Variants in CEP63 observed in about 807,000 individuals in gnomAD.
CEP63 encodes centrosomal protein 63.
Under a neutral mutation model 89.1 loss-of-function variants are expected in CEP63, and 84 were observed. The ratio of observed to expected loss-of-function variants is 0.94; its 90% confidence interval spans 0.79 to 1.13. The LOEUF is 1.13. Among genes scored for constraint, CEP63 ranks in the 50% most tolerant of loss-of-function variants. The pLI, the probability that CEP63 is intolerant of heterozygous loss-of-function variation, is 0.00. For missense variants in CEP63, 838 were observed against 813.3 expected (o/e 1.03, Z -0.37); for synonymous variants, 267 against 272.5 (o/e 0.98, Z 0.20).
chr3:134,513,670 A>T, intron 3 of CEP63, among the ~76,000 whole-genome samples: 1 of 152,110 alleles, frequency 6.6e-6, no homozygotes, highest in Non-Finnish European at 1.5e-5. Flanking sequence ...CTAGGGGTCC[A>T]TGATGGCTCT....
At chr3:134,668,085 C>T in the CEP63 span, among the ~76,000 whole-genome samples, 13 of 152,150 alleles carry the variant, frequency 8.5e-5, no homozygotes, top group South Asian at 2.1e-4. Context: ...CCTCATGCTC[C>T]GACCAGCATT....
chr3:134,648,146 G>T, the CEP63 span, among the ~76,000 whole-genome samples: 1 of 152,326 alleles, frequency 6.6e-6, no homozygotes, highest in Non-Finnish European at 1.5e-5. Flanking sequence ...TTCTGGCAGC[G>T]GGAGCTGCTG....
chr3:134,628,425 G>T, the CEP63 span, among the ~76,000 whole-genome samples: 1 of 152,194 alleles, frequency 6.6e-6, no homozygotes, highest in South Asian at 2.1e-4. Context: ...GGAAGATTTG[G>T]GTCCCTGATG....
the CEP63 span, among the ~76,000 whole-genome samples, chr3:134,695,377 C>A: frequency 0.45 from 69,116 of 152,062 alleles, 16,420 homozygotes; most frequent in East Asian, 0.69. Context: ...CCTGGCTTCT[C>A]GAGTAAGAGG....
chr3:134,522,603 T>G (rs1947713640), intron 3 of CEP63, among the ~76,000 whole-genome samples: 1 of 152,160 alleles, frequency 6.6e-6, no homozygotes, highest in African/African-American at 2.4e-5. Flanking sequence ...GTTATTTCTT[T>G]CCTGATTCTC....
At chr3:134,538,726 G>A (rs1951391802) in intron 6 of CEP63, among the ~76,000 whole-genome samples, 1 of 151,068 alleles carries the variant, frequency 6.6e-6, no homozygotes, top group Non-Finnish European at 1.5e-5. Flanking sequence ...CCAAGATATT[G>A]TTATATTCTA....
the CEP63 span, among the ~76,000 whole-genome samples, chr3:134,648,379 C>A: frequency 1.3e-5 from 2 of 152,174 alleles, no homozygotes; most frequent in Non-Finnish European, 2.9e-5. Context: ...CAGTGACTTA[C>A]CACTTGGAAC....
chr3:134,594,974 C>A, the CEP63 span, among the ~76,000 whole-genome samples: 1 of 152,194 alleles, frequency 6.6e-6, no homozygotes, highest in Non-Finnish European at 1.5e-5. Context: ...AGGCCCCCAG[C>A]ACATCCTGGG....
At chr3:134,522,712 A>G (rs1947740802) in intron 3 of CEP63, among the ~76,000 whole-genome samples, 1 of 152,014 alleles carries the variant, frequency 6.6e-6, no homozygotes, top group Non-Finnish European at 1.5e-5. Flanking sequence ...AATATGCGGT[A>G]TTTGGTTTTC....
the CEP63 span, among the ~76,000 whole-genome samples, chr3:134,656,893 A>G: frequency 0.12 from 17,978 of 152,238 alleles, 1,541 homozygotes; most frequent in African/African-American, 0.23. Flanking sequence ...AGAACTATAT[A>G]AAGAAGAAAA....
intron 8 of CEP63, 63 bp downstream of exon 8, chr3:134,546,351 CTTATTTTTATTT>C (rs71139539): frequency 3.6e-6 from 5 of 1,397,090 alleles, no homozygotes; most frequent in South Asian, 1.3e-5. Context: ...AAGCACTAGG[CTTATTTTTATTT>C]TTATTTTTAT....
chr3:134,603,516 T>C, the CEP63 span: 6 of 1,459,518 alleles, frequency 4.1e-6, no homozygotes, highest in Non-Finnish European at 5.5e-6. Flanking sequence ...TGCACTTCCT[T>C]CGAGCCCTCC....
At chr3:134,658,087 G>A in the CEP63 span, among the ~76,000 whole-genome samples, 2 of 152,050 alleles carry the variant, frequency 1.3e-5, no homozygotes, top group South Asian at 2.1e-4. Context: ...TAGTAGAGAC[G>A]GGGTTTCACT....
the CEP63 span, among the ~76,000 whole-genome samples, chr3:134,730,104 T>C: frequency 1.3e-5 from 2 of 152,260 alleles, no homozygotes; most frequent in African/African-American, 2.4e-5. Flanking sequence ...ATGAATGGGG[T>C]CTTACCCATA....
the CEP63 span, among the ~76,000 whole-genome samples, chr3:134,699,161 G>C: frequency 2.0e-5 from 3 of 152,204 alleles, no homozygotes; most frequent in Non-Finnish European, 4.4e-5. Flanking sequence ...AAACATATCT[G>C]TCCTAATCAC....
chr3:134,749,705 C>CCAAAAA, the CEP63 span, among the ~76,000 whole-genome samples: 1 of 49,408 alleles, frequency 2.0e-5, no homozygotes, highest in Non-Finnish European at 3.8e-5. Flanking sequence ...AGGGGTTGTT[C>CCAAAAA]AAAAAAAAAA....
chr3:134,525,326 A>G (rs930519856), intron 3 of CEP63, among the ~76,000 whole-genome samples: 2 of 152,056 alleles, frequency 1.3e-5, no homozygotes, highest in Non-Finnish European at 2.9e-5. Context: ...ATCAGCTTCT[A>G]GATTTGTTGA....
chr3:134,649,608 G>A, the CEP63 span, among the ~76,000 whole-genome samples: 1 of 152,162 alleles, frequency 6.6e-6, no homozygotes, highest in East Asian at 1.9e-4. Flanking sequence ...AAGAGCCAAC[G>A]AATCCAAACA....
the CEP63 span, among the ~76,000 whole-genome samples, chr3:134,704,577 G>T: frequency 6.6e-6 from 1 of 152,234 alleles, no homozygotes; most frequent in Non-Finnish European, 1.5e-5. Context: ...GATTAGGAAT[G>T]GTTCCAGCCC....
Sources: allele counts gnomAD v4.1 joint callset (sites outside exome capture counted in the v4.1 genomes callset), GRCh38; gene constraint gnomAD v4.1.1; transcripts MANE v1.5; gene names NCBI Gene and HGNC (gene_info 2026-07-23, HGNC 2026-07-21).